Variants in RNF115 observed in about 807,000 individuals in gnomAD.
The protein encoded by RNF115 is ring finger protein 115.
Under a neutral mutation model 39.2 loss-of-function variants are expected in RNF115, and 31 were observed. The observed-to-expected ratio is 0.79, with a 90% CI of 0.59 to 1.07. The LOEUF (loss-of-function observed/expected upper bound fraction) is 1.07, where lower values mean the gene tolerates loss of function less well. Among genes scored for constraint, RNF115 ranks in the 50% least tolerant of loss-of-function variants. The pLI, the probability that RNF115 is intolerant of heterozygous loss-of-function variation, is 0.00. For synonymous variants in RNF115, 124 were observed against 131.0 expected, an observed-to-expected ratio of 0.95 and a Z score of 0.37; for missense variants, 384 against 381.7, an observed-to-expected ratio of 1.01 and a Z score of -0.05.
chr1:145,783,939 C>T (rs1354044781), intron 3 of RNF115, among the ~76,000 whole-genome samples: 1 of 151,938 alleles, frequency 6.6e-6, no homozygotes, highest in Non-Finnish European at 1.5e-5. Context: ...AAGACTAATG[C>T]CCTGTTTTCA....
chr1:145,776,164 A>ATT (rs35710154), intron 3 of RNF115, among the ~76,000 whole-genome samples: 59,553 of 121,286 alleles, frequency 0.49, 16,092 homozygotes, highest in African/African-American at 0.69. Flanking sequence ...TCTGACCAAC[A>ATT]TTTTTTTTTT....
At chr1:145,763,854 A>G (rs1219336547) in intron 4 of RNF115, among the ~76,000 whole-genome samples, 2 of 152,130 alleles carry the variant, frequency 1.3e-5, no homozygotes, top group Admixed American at 1.3e-4. Context: ...AACAAGCATT[A>G]ATATTTTACC....
At position 145,788,977 on chromosome 1, in the gene RNF115, A is replaced by C; in HGVS notation, c.103-11T>G. Reference sequence around the variant, plus strand: ...GGGACATATATATTCCTATAAAAGAAAGGAAGAAACAAATAAAACTTTTTC... The same window carrying C: ...GGGACATATATATTCCTATAAAAGACAGGAAGAAACAAATAAAACTTTTTC... On this transcript the variant is annotated splice_polypyrimidine_tract_variant and intron_variant, in intron 1 of 8. Transcript: ENST00000582693. 1 of 1,561,008 alleles carries C rather than the reference A, an allele frequency of 6.4e-7. No homozygotes were observed. The highest frequency in any genetic ancestry group is 8.8e-7 in the Non-Finnish European group (1 of 1,138,918).
At position 145,753,877 on chromosome 1, in the gene RNF115, C is replaced by T. The variant is rs746224823; in HGVS notation, c.429-828G>A. On this transcript the variant is annotated intron_variant, in intron 4 of 8. Coordinates refer to ENST00000582693, the MANE Select transcript of RNF115 (RefSeq NM_014455.4). ...GATTATAGGCACCTGCCACCACACC[C>T]GGCTAATTTTTTGTATACTTAGTAG... 7.9e-4 allele frequency among the ~76,000 whole-genome samples: 120 copies of T among 152,182 alleles called. 1 individual carries two copies. The highest frequency in any genetic ancestry group is 1.6e-3 in the Non-Finnish European group (107 of 68,002).
intron 4 of RNF115, among the ~76,000 whole-genome samples, chr1:145,762,296 C>G (rs1387561688): frequency 1.3e-5 from 2 of 152,158 alleles, no homozygotes; most frequent in African/African-American, 2.4e-5. Context: ...GGGCCAGGGG[C>G]AGAATGACAT....
intron 1 of RNF115, among the ~76,000 whole-genome samples, chr1:145,808,319 G>A (rs1341662781): frequency 1.3e-5 from 2 of 152,048 alleles, no homozygotes; most frequent in Non-Finnish European, 2.9e-5. Context: ...GTGTTTAAGA[G>A]TTCCCTTTCT....
intron 6 of RNF115, 116 bp downstream of exon 6, chr1:145,751,322 C>G (rs1320748749): frequency 1.3e-5 from 9 of 713,726 alleles, no homozygotes; most frequent in Non-Finnish European, 2.1e-5. Flanking sequence ...CCCCAAAGCT[C>G]AAAATATTAG....
In RNF115 at chr1:145,745,087, C is replaced by T. The variant is rs1553711522; in HGVS notation, c.*1779G>A. On this transcript the variant is annotated 3_prime_UTR_variant, in exon 9 of 9. Transcript: ENST00000582693. ...AATGTAAAATCTTAACTCCTGAAGA[C>T]CAATGAATTACCAAAAACAGTGAAC... 6.6e-6 allele frequency: 1 copy of T among 152,160 alleles called. No homozygotes were observed. The highest frequency in any genetic ancestry group is 1.5e-5 in the Non-Finnish European group (1 of 68,038). 9.4% of individuals were successfully genotyped at this position (152,160 alleles called of 1,614,324 possible).
chr1:145,747,137 G>C (rs1220784024), intron 8 of RNF115, 140 bp from the exon 9 acceptor site: 6 of 827,672 alleles, frequency 7.2e-6, no homozygotes, highest in African/African-American at 1.7e-5. Context: ...CATCCTCATA[G>C]AGCATGCACT....
intron 1 of RNF115, among the ~76,000 whole-genome samples, chr1:145,817,023 A>G (rs1172148211): frequency 1.5e-5 from 1 of 67,972 alleles, no homozygotes; most frequent in African/African-American, 4.3e-5. Context: ...AGGTCTAAAA[A>G]TAGATAATGC....
chr1:145,795,116 G>A (rs782765563), intron 1 of RNF115, among the ~76,000 whole-genome samples: 3 of 151,620 alleles, frequency 2.0e-5, no homozygotes, highest in Non-Finnish European at 2.9e-5. Context: ...TCGTGGTCTC[G>A]CTGACTTCAG....
At chr1:145,755,313 G>C (rs1658257098) in intron 4 of RNF115, among the ~76,000 whole-genome samples, 1 of 152,006 alleles carries the variant, frequency 6.6e-6, no homozygotes, top group African/African-American at 2.4e-5. Context: ...TGCTCTGGGA[G>C]AGTGCCATAT....
intron 1 of RNF115, among the ~76,000 whole-genome samples, chr1:145,819,271 CAAAAAAAAAAAAAAA>C (rs59058505): frequency 9.6e-5 from 5 of 52,296 alleles, no homozygotes; most frequent in Non-Finnish European, 1.6e-4. Flanking sequence ...CCTTATCTCT[CAAAAAAAAAAAAAAA>C]AAAAAAAAAA....
intron 1 of RNF115, among the ~76,000 whole-genome samples, chr1:145,816,606 C>A (rs1192473112): frequency 8.1e-6 from 1 of 122,902 alleles, no homozygotes; most frequent in Non-Finnish European, 1.8e-5. Flanking sequence ...GGCTCTGAAG[C>A]AGACCTTCCC....
intron 3 of RNF115, chr1:145,773,645 C>G (rs1248856062): frequency 3.9e-5 from 6 of 152,134 alleles, no homozygotes; most frequent in African/African-American, 1.4e-4. Context: ...CTTCTCAGGT[C>G]TTTTCTGAGC....
chr1:145,762,434 A>T (rs1419597054), intron 4 of RNF115, among the ~76,000 whole-genome samples: 1 of 152,132 alleles, frequency 6.6e-6, no homozygotes, highest in East Asian at 1.9e-4. Flanking sequence ...TGTCTTTATC[A>T]GTAGTGTGAA....
chr1:145,765,678 C>T (rs1293605871), intron 4 of RNF115, among the ~76,000 whole-genome samples: 1 of 152,142 alleles, frequency 6.6e-6, no homozygotes, highest in East Asian at 1.9e-4. Context: ...AATCTGCTGG[C>T]ACAGGTCAGA....
intron 1 of RNF115, among the ~76,000 whole-genome samples, chr1:145,809,795 G>A (rs1649618811): frequency 8.6e-6 from 1 of 116,158 alleles, no homozygotes; most frequent in East Asian, 2.6e-4. Flanking sequence ...CACCCAGCCT[G>A]TTTTCAAGGT....
chr1:145,788,954 G>T lies in RNF115; in HGVS notation c.115C>A (p.Pro39Thr). 1 of 1,593,044 alleles carries T rather than the reference G, an allele frequency of 6.3e-7. No homozygotes were observed. Among genetic ancestry groups the T allele is most frequent in the Non-Finnish European group, 8.6e-7 (1 of 1,164,316 alleles). Residue 39 changes from proline (P) to threonine (T), a missense_variant, in exon 2 of 9, where the codon CCC (proline) becomes ACC (threonine). Coordinates refer to ENST00000582693, the MANE Select transcript of RNF115 (RefSeq NM_014455.4). ...TCAATAAAGCCTGATTCACATCTGG[G>T]ACATATATATTCCTATAAAAGAAAG... is the stretch of plus-strand genomic sequence containing the variant. ...VSPKLPEYIC[P>T]RCESGFIEEV... is the part of the protein sequence containing the mutation.
Sources: gnomAD v4.1 joint callset for allele counts (sites outside exome capture counted in the v4.1 genomes callset) on GRCh38, gnomAD v4.1.1 for gene constraint, MANE v1.5 for transcripts, NCBI Gene and HGNC (gene_info 2026-07-23, HGNC 2026-07-21) for gene names.